The following P2RY8 variants were observed in gnomAD, a reference collection of about 807,000 sequenced individuals.
The protein encoded by P2RY8 is P2Y receptor family member 8, also known as S-geranylgeranyl-glutathione receptor P2RY8.
P2RY8 carries 6 observed loss-of-function variants against 10.0 expected under a neutral mutation model. The ratio of observed to expected loss-of-function variants is 0.60; its 90% confidence interval spans 0.33 to 1.19. The LOEUF is 1.19. P2RY8 is among the 50% of genes most tolerant of loss of function. P2RY8 has a pLI of 0.04. For missense variants in P2RY8, 456 were observed against 542.0 expected (o/e 0.84, Z 1.58); for synonymous variants, 276 against 252.5 (o/e 1.09, Z -0.88).
In P2RY8 at chrX:1,466,255, C is replaced by T; in HGVS notation, c.304G>A (p.Ala102Thr). 6.2e-6 allele frequency: 10 copies of T among 1,613,810 alleles called. No homozygotes were observed. Among genetic ancestry groups the T allele is most frequent in the Non-Finnish European group, 8.5e-6 (10 of 1,179,812 alleles). The part of the protein sequence containing the change: ...GVLLCNVVTV[A>T]FYANMYSSIL... ...CTGGAATACATGTTTGCGTAAAAGG[C>T]CACGGTCACCACGTTGCAAAGCAGC... Residue 102 changes from alanine to threonine, a missense_variant, in exon 2 of 2, where the codon GCC becomes ACC. Ala to Thr is a moderately conservative substitution (Grantham distance 58, BLOSUM62 0). Coordinates refer to ENST00000381297, the MANE Select transcript of P2RY8 (RefSeq NM_178129.5).
intron 1 of P2RY8, among the ~76,000 whole-genome samples, chrX:1,496,688 T>C (rs2092119953): frequency 6.7e-6 from 1 of 148,490 alleles, no homozygotes; most frequent in Non-Finnish European, 1.5e-5. Flanking sequence ...TCCTGGGAGT[T>C]TTTTTTCTTT....
chrX:1,535,694 CACACACACACACACACACACAG>C (rs1308700512), intron 1 of P2RY8, among the ~76,000 whole-genome samples: 60 of 81,852 alleles, frequency 7.3e-4, no homozygotes, highest in Admixed American at 1.0e-3. Context: ...AAGAAACAAC[CACACACACACACACACACACAG>C]ACACACACAC....
At chrX:1,466,864 CTCCTTCCTTCCT>C (rs368361709) in intron 1 of P2RY8, among the ~76,000 whole-genome samples, 7 of 106,840 alleles carry the variant, frequency 6.6e-5, no homozygotes, top group African/African-American at 1.1e-4. Flanking sequence ...CTCTTCTTCC[CTCCTTCCTTCCT>C]TCCTTCCTTC....
intron 1 of P2RY8, among the ~76,000 whole-genome samples, chrX:1,487,619 G>C (rs2091998377): frequency 6.6e-6 from 1 of 152,090 alleles, no homozygotes. Flanking sequence ...ACCTGTCTCT[G>C]GCTGCCTGTC....
chrX:1,514,663 TC>T lies in P2RY8; in HGVS notation c.-25+22257del, dbSNP rs1770519286. 2.3e-3 allele frequency among the ~76,000 whole-genome samples: 3 copies of T among 1,278 alleles called. 1 individual carries two copies. Among genetic ancestry groups the T allele is most frequent in the African/African-American group, 8.9e-4 (1 of 1,120 alleles). 0.8% of individuals were successfully genotyped at this position (1,278 alleles called of 152,430 possible). ...TTCCCTTCCCTTTCCTCCCCTCCCT[TC>T]CCTTCCCTTCCTTTCCCTTCCCTTC... On this transcript the variant is annotated intron_variant, in intron 1 of 1. Coordinates refer to ENST00000381297, the MANE Select transcript of P2RY8 (RefSeq NM_178129.5).
intron 1 of P2RY8, 126 bp from the exon 2 acceptor site, chrX:1,466,708 T>TTTC: frequency 3.0e-6 from 2 of 675,662 alleles, no homozygotes; most frequent in Admixed American, 3.8e-5. Context: ...GGGCCTGCTG[T>TTTC]CTCCTCCCTC....
At chrX:1,499,418 G>C (rs2092153194) in intron 1 of P2RY8, among the ~76,000 whole-genome samples, 1 of 152,012 alleles carries the variant, frequency 6.6e-6, no homozygotes, top group South Asian at 2.1e-4. Context: ...CTCCTGCCTT[G>C]GCCCCCAAAA....
At position 1,478,581 on chromosome X, in the gene P2RY8, C is replaced by T. The variant is rs189373020; in HGVS notation, c.-24-11999G>A. Among the ~76,000 whole-genome samples the T allele has an allele frequency of 5.3e-3, 799 of 152,038 alleles. 7 individuals carry two copies. Among genetic ancestry groups the T allele is most frequent in the African/African-American group, 0.018 (747 of 41,454 alleles). ...GCAACCTCCGCCTCCCGGGTTCAAG[C>T]GATTCTCTTGCCTCAGCCTCCTGAA... On this transcript the variant is annotated intron_variant, in intron 1 of 1. Transcript: ENST00000381297.
chrX:1,515,942 G>GGGGT (rs2092343400), intron 1 of P2RY8, among the ~76,000 whole-genome samples: 1 of 58,838 alleles, frequency 1.7e-5, no homozygotes, highest in Non-Finnish European at 5.3e-5. Context: ...GGGAGGCCGA[G>GGGGT]GGGTCGGGGG....
chrX:1,477,765 C>A (rs1172381950), intron 1 of P2RY8, among the ~76,000 whole-genome samples: 1 of 152,162 alleles, frequency 6.6e-6, no homozygotes, highest in Non-Finnish European at 1.5e-5. Context: ...AACCTGCCCT[C>A]AAGCAACTGT....
chrX:1,499,957 C>T (rs1440067730), intron 1 of P2RY8, among the ~76,000 whole-genome samples: 2 of 147,326 alleles, frequency 1.4e-5, no homozygotes, highest in African/African-American at 4.9e-5. Context: ...CTCCCGGGTT[C>T]CCGCCATTCT....
chrX:1,485,206 C>T (rs1385654558), intron 1 of P2RY8, among the ~76,000 whole-genome samples: 1 of 151,788 alleles, frequency 6.6e-6, no homozygotes, highest in South Asian at 2.1e-4. Flanking sequence ...GGCTTCATGG[C>T]GGCTCACGGC....
At chrX:1,516,215 AC>A (rs1241759161) in intron 1 of P2RY8, among the ~76,000 whole-genome samples, 1 of 35,618 alleles carries the variant, frequency 2.8e-5, no homozygotes, top group African/African-American at 4.9e-5. Context: ...CAAAACAACA[AC>A]AAAAAAAAAA....
chrX:1,471,308 C>CTTTTTTTTTTTTT (rs1569536548), intron 1 of P2RY8, among the ~76,000 whole-genome samples: 11 of 71,124 alleles, frequency 1.5e-4, no homozygotes, highest in African/African-American at 3.1e-4. Flanking sequence ...GCGCCCAGCC[C>CTTTTTTTTTTTTT]ATTTTTTTTT....
chrX:1,492,728 T>G (rs867176732), intron 1 of P2RY8, among the ~76,000 whole-genome samples: 5 of 151,984 alleles, frequency 3.3e-5, no homozygotes, highest in African/African-American at 1.2e-4. Flanking sequence ...GGTAGGCAGG[T>G]TGGGCTCCCA....
intron 1 of P2RY8, among the ~76,000 whole-genome samples, chrX:1,470,251 T>C (rs1277241723): frequency 1.5e-5 from 2 of 136,976 alleles, no homozygotes; most frequent in East Asian, 2.2e-4. Context: ...GTGACTCACG[T>C]CTGTAATCCC....
At chrX:1,528,980 G>T (rs764913645) in intron 1 of P2RY8, among the ~76,000 whole-genome samples, 1 of 152,268 alleles carries the variant, frequency 6.6e-6, no homozygotes, top group Non-Finnish European at 1.5e-5. Context: ...TCCCTTTGTT[G>T]CATGGGACAG....
intron 1 of P2RY8, among the ~76,000 whole-genome samples, chrX:1,514,053 T>C (rs1418820090): frequency 2.6e-5 from 4 of 152,208 alleles, no homozygotes; most frequent in Non-Finnish European, 5.9e-5. Context: ...GTACGCACCA[T>C]TGAACCCACT....
intron 1 of P2RY8, among the ~76,000 whole-genome samples, chrX:1,522,103 C>T (rs1308889145): frequency 6.6e-6 from 1 of 151,512 alleles, no homozygotes; most frequent in Non-Finnish European, 1.5e-5. Flanking sequence ...CAGGCATGCA[C>T]CACCATGCCC....
Sources: gnomAD v4.1 joint callset for allele counts (sites outside exome capture counted in the v4.1 genomes callset) on GRCh38, gnomAD v4.1.1 for gene constraint, MANE v1.5 for transcripts, NCBI Gene and HGNC (gene_info 2026-07-23, HGNC 2026-07-21) for gene names.